The following CAMSAP1 variants were observed in gnomAD, a reference collection of about 807,000 sequenced individuals.
CAMSAP1 encodes calmodulin regulated spectrin associated protein 1.
Under a neutral mutation model 143.5 loss-of-function variants are expected in CAMSAP1, and 58 were observed. That is an observed-to-expected ratio of 0.40 (90% CI 0.33 to 0.50). CAMSAP1 has a LOEUF of 0.50. CAMSAP1 is among the 20% of genes least tolerant of loss of function. The probability of loss-of-function intolerance (pLI) is 0.45; values close to 1 mark genes in which losing one functional copy is unlikely to be tolerated. For missense variants in CAMSAP1, 1,969 were observed against 2,115.7 expected, an observed-to-expected ratio of 0.93 and a Z score of 1.36; for synonymous variants, 945 against 859.3, an observed-to-expected ratio of 1.10 and a Z score of -1.74.
At chr9:135,881,836 C>G in intron 2 of CAMSAP1, 42 bp from the exon 3 acceptor site, 2 of 1,545,272 alleles carry the variant, frequency 1.3e-6, no homozygotes, top group Non-Finnish European at 1.8e-6. Context: ...AAACCCACCC[C>G]TCTTACCAGG....
At chr9:135,890,156 G>A (rs1261955068) in intron 1 of CAMSAP1, among the ~76,000 whole-genome samples, 5 of 152,114 alleles carry the variant, frequency 3.3e-5, no homozygotes, top group Admixed American at 2.0e-4. Context: ...CAGAGGCTCC[G>A]CATGCCCAAC....
At chr9:135,855,408 T>C in intron 5 of CAMSAP1, among the ~76,000 whole-genome samples, 1 of 152,176 alleles carries the variant, frequency 6.6e-6, no homozygotes, top group Non-Finnish European at 1.5e-5. Flanking sequence ...CATGATCTCA[T>C]CCTTTTCTAT....
chr9:135,890,798 C>A (rs139595642), intron 1 of CAMSAP1, among the ~76,000 whole-genome samples: 1 of 152,314 alleles, frequency 6.6e-6, no homozygotes, highest in East Asian at 1.9e-4. Flanking sequence ...ATACAATGGT[C>A]AGTTAAGCAA....
chr9:135,809,200 AGCATGAAGAAC>A lies in CAMSAP1; in HGVS notation c.*2098_*2108del, dbSNP rs1834953450. ...CTAATTAAAAGGGTTGCTGTGTCCA[AGCATGAAGAAC>A]GCAGGGACGCTTCTGTCAATCATTA... On this transcript the variant is annotated 3_prime_UTR_variant, in exon 17 of 17. Coordinates refer to ENST00000389532, the MANE Select transcript of CAMSAP1 (RefSeq NM_015447.4). 2 of 152,244 alleles carry A rather than the reference AGCATGAAGAAC, an allele frequency of 1.3e-5. No individual in the cohort carries two copies. Among genetic ancestry groups the A allele is most frequent in the South Asian group, 4.1e-4 (2 of 4,830 alleles). The allele number at this position is 152,244 out of a possible 1,614,324, so 9.4% of individuals were successfully genotyped here.
chr9:135,836,786 A>C, intron 7 of CAMSAP1: 1 of 983,332 alleles, frequency 1.0e-6, no homozygotes, highest in Non-Finnish European at 1.2e-6. Flanking sequence ...CTACAGACAC[A>C]CATCATCATG....
At chr9:135,889,517 T>G (rs1023775861) in intron 1 of CAMSAP1, among the ~76,000 whole-genome samples, 12 of 152,018 alleles carry the variant, frequency 7.9e-5, no homozygotes, top group African/African-American at 2.7e-4. Flanking sequence ...TCACAGAAAC[T>G]CAGAGAACTC....
intron 1 of CAMSAP1, among the ~76,000 whole-genome samples, 197 bp downstream of exon 1, chr9:135,906,803 G>A (rs1408842757): frequency 6.6e-6 from 1 of 151,938 alleles, no homozygotes; most frequent in Non-Finnish European, 1.5e-5. Flanking sequence ...ACGCCCACTC[G>A]CCAGGTGACC....
In CAMSAP1 at chr9:135,809,656, TAC is replaced by T. The variant is rs1206449720; in HGVS notation, c.*1651_*1652del. ...AAATACAGTAATATCATATCAAACA[TAC>T]AGTGAGAAATAAAGCCCACGTGTGA... On this transcript the variant is annotated 3_prime_UTR_variant, in exon 17 of 17. Coordinates refer to ENST00000389532, the MANE Select transcript of CAMSAP1 (RefSeq NM_015447.4). 1 of 152,640 alleles carries T rather than the reference TAC, an allele frequency of 6.6e-6. No homozygotes were observed. The highest frequency in any genetic ancestry group is 2.4e-5 in the African/African-American group (1 of 41,438). The allele number at this position is 152,640 out of a possible 1,614,324, so 9.5% of individuals were successfully genotyped here. A position where few individuals can be genotyped will look rare whatever the true frequency, so the allele number is the denominator to read the frequency against.
chr9:135,822,956 G>A lies in CAMSAP1; in HGVS notation c.1705C>T (p.Leu569Phe), dbSNP rs138200991. 9,336 of 1,613,968 alleles carry A rather than the reference G, an allele frequency of 5.8e-3. 38 individuals carry two copies. The highest frequency in any genetic ancestry group is 7.0e-3 in the Non-Finnish European group (8,215 of 1,179,894). The change falls in exon 11 of 17, where the codon CTT becomes TTT. Residue 569 changes from leucine (L) to phenylalanine (F), a missense_variant. Leu to Phe is a conservative substitution (Grantham distance 22). Coordinates refer to ENST00000389532, the MANE Select transcript of CAMSAP1 (RefSeq NM_015447.4). This position sits in a 1 kb window ranked among gnomAD's most constrained non-coding sequence, Gnocchi z 6.1. ...TGGGGAGACCGGGCATTTGCTGTAA[G>A]GCCTAAGGCCCGGGGTGAGGCCCTG... ...FPRASPRALG[L>F]TANARSPQGQ...
intron 7 of CAMSAP1, among the ~76,000 whole-genome samples, chr9:135,827,825 G>T (rs188826403): frequency 6.6e-6 from 1 of 152,352 alleles, no homozygotes; most frequent in Non-Finnish European, 1.5e-5. Context: ...GAGAGGAAAT[G>T]TAAGCCCAGC....
Position 135,907,020 on chromosome 9 carries a change from C to T in CAMSAP1, c.140G>A (p.Cys47Tyr). 8.5e-7 allele frequency: 1 copy of T among 1,179,738 alleles called. No homozygotes were observed. Among genetic ancestry groups the T allele is most frequent in the Non-Finnish European group, 1.1e-6 (1 of 943,246 alleles). 73.1% of individuals were successfully genotyped at this position (1,179,738 alleles called of 1,614,324 possible). ...AKIAANLQWI[C>Y]AKAYGRDNIP... ...CCCACCTCGGCCGTAGGCCTTGGCG[C>T]AGATCCACTGCAGGTTGGCGGCGAT... The change falls in exon 1 of 17, where the codon TGC becomes TAC. Residue 47 changes from cysteine (C) to tyrosine (Y), a missense_variant. Coordinates refer to ENST00000389532, the MANE Select transcript of CAMSAP1 (RefSeq NM_015447.4).
intron 16 of CAMSAP1, among the ~76,000 whole-genome samples, chr9:135,812,843 C>T (rs1375162279): frequency 6.6e-6 from 1 of 152,002 alleles, no homozygotes; most frequent in Non-Finnish European, 1.5e-5. Context: ...GTGGCACATG[C>T]CTGTAGTCCG....
intron 7 of CAMSAP1, among the ~76,000 whole-genome samples, chr9:135,847,961 A>AGGGGGG (rs1836636263): frequency 4.7e-4 from 6 of 12,886 alleles, no homozygotes; most frequent in African/African-American, 1.6e-3. Flanking sequence ...GGGGAGGGGG[A>AGGGGGG]GGAGTGAAGG....
intron 14 of CAMSAP1, among the ~76,000 whole-genome samples, chr9:135,817,116 C>A (rs1835258117): frequency 6.6e-6 from 1 of 152,170 alleles, no homozygotes; most frequent in Admixed American, 6.6e-5. Flanking sequence ...CACAGAAAGG[C>A]TAAGGAACTG....
At chr9:135,863,856 C>T (rs1335214515) in intron 4 of CAMSAP1, among the ~76,000 whole-genome samples, 2 of 152,134 alleles carry the variant, frequency 1.3e-5, no homozygotes, top group Non-Finnish European at 2.9e-5. Context: ...GGCTTCCACA[C>T]AGACAGCAGA....
chr9:135,891,521 C>T (rs557894857), intron 1 of CAMSAP1, among the ~76,000 whole-genome samples: 2 of 152,310 alleles, frequency 1.3e-5, no homozygotes, highest in Admixed American at 6.5e-5. Context: ...GACAGCAAAA[C>T]GGACTCCTGG....
rs112467686 is a variant in CAMSAP1 at position 135,813,855 on chromosome 9, C to T, written c.4506+1242G>A. On this transcript the variant is annotated intron_variant, in intron 16 of 16. Transcript: ENST00000389532. The stretch of plus-strand genomic sequence containing the variant: ...AGCCCCCAAGGAGAGCTCAGGGCAT[C>T]CAGTCTCAAAAGGGCTTTCCATGGC... Among the ~76,000 whole-genome samples, 519 of 152,308 alleles carry T rather than the reference C, an allele frequency of 3.4e-3. 3 individuals carry two copies. The highest frequency in any genetic ancestry group is 0.014 in the Middle Eastern group (4 of 294).
At position 135,855,780 on chromosome 9, in the gene CAMSAP1, C is replaced by T. The variant is rs553656105; in HGVS notation, c.809-5319G>A. Among the ~76,000 whole-genome samples the T allele has an allele frequency of 7.7e-3, 1,097 of 142,560 alleles. 10 individuals carry two copies. The highest frequency in any genetic ancestry group is 0.011 in the Non-Finnish European group (720 of 66,094). The allele number at this position is 142,560 out of a possible 152,430, so 93.5% of individuals were successfully genotyped here. On this transcript the variant is annotated intron_variant, in intron 5 of 16. Coordinates refer to ENST00000389532, the MANE Select transcript of CAMSAP1 (RefSeq NM_015447.4). ...AAAAAAAAAAAAAAAAGGCCGGGTG[C>T]GGTGGCTCACGCCTGTAATCCCAGC... is the stretch of plus-strand genomic sequence containing the variant.
At chr9:135,881,395 G>A (rs1280859021) in intron 3 of CAMSAP1, among the ~76,000 whole-genome samples, 1 of 151,686 alleles carries the variant, frequency 6.6e-6, no homozygotes, top group Non-Finnish European at 1.5e-5. Flanking sequence ...TCAAAGTACC[G>A]ACATGTGCTG....
Sources: gnomAD v4.1 joint callset for allele counts (sites outside exome capture counted in the v4.1 genomes callset) on GRCh38, gnomAD v4.1.1 for gene constraint, Gnocchi (gnomAD v3.1) non-coding constraint, MANE v1.5 for transcripts, NCBI Gene and HGNC (gene_info 2026-07-23, HGNC 2026-07-21) for gene names.